Variants in ARHGEF10 observed in about 807,000 individuals in gnomAD.
ARHGEF10 encodes the protein Rho guanine nucleotide exchange factor (GEF) 10.
A neutral mutation model predicts 147.4 loss-of-function variants in ARHGEF10; 140 were observed. The ratio of observed to expected loss-of-function variants is 0.95; its 90% confidence interval spans 0.83 to 1.09. The LOEUF (loss-of-function observed/expected upper bound fraction) is 1.09, where lower values mean the gene tolerates loss of function less well. Among genes scored for constraint, ARHGEF10 ranks in the 50% least tolerant of loss-of-function variants. ARHGEF10 has a pLI of 0.00. For synonymous variants in ARHGEF10, 902 were observed against 695.8 expected, an observed-to-expected ratio of 1.30 and a Z score of -4.67; for missense variants, 2,222 against 1,752.7, an observed-to-expected ratio of 1.27 and a Z score of -4.78.
intron 26 of ARHGEF10, among the ~76,000 whole-genome samples, chr8:1,934,530 G>C (rs956997313): frequency 6.6e-6 from 1 of 152,168 alleles, no homozygotes; most frequent in East Asian, 1.9e-4. Flanking sequence ...TGAACCTGTA[G>C]AGTCCTCCAG....
chr8:1,836,490 C>T (rs186921768), intron 1 of ARHGEF10, among the ~76,000 whole-genome samples: 189 of 152,218 alleles, frequency 1.2e-3, no homozygotes, highest in African/African-American at 4.1e-3. Flanking sequence ...GGGCTGACGC[C>T]GGTGGAAGAC....
chr8:1,891,631 C>T (rs771935498), intron 11 of ARHGEF10, among the ~76,000 whole-genome samples: 4 of 152,068 alleles, frequency 2.6e-5, no homozygotes, highest in Non-Finnish European at 5.9e-5. Flanking sequence ...GTCCAGTTGC[C>T]CCATGACCTT....
chr8:1,935,008 T>C (rs1202039189), intron 26 of ARHGEF10, among the ~76,000 whole-genome samples: 2 of 152,166 alleles, frequency 1.3e-5, no homozygotes, highest in Non-Finnish European at 2.9e-5. Flanking sequence ...TCAAAGGACA[T>C]GAACAGGCAG....
intron 1 of ARHGEF10, among the ~76,000 whole-genome samples, chr8:1,829,419 T>A (rs1263090870): frequency 6.6e-6 from 1 of 152,212 alleles, no homozygotes; most frequent in Admixed American, 6.5e-5. Context: ...TGAAGTCCGC[T>A]GAGGGCTGGA....
intron 1 of ARHGEF10, among the ~76,000 whole-genome samples, chr8:1,832,460 G>GCAGAGA (rs1491483401): frequency 3.3e-5 from 4 of 121,370 alleles, no homozygotes; most frequent in African/African-American, 1.3e-4. Context: ...AGAGACAGAG[G>GCAGAGA]CAGAGACAGA....
In ARHGEF10 at chr8:1,843,336, GTC is replaced by G; in HGVS notation, c.-47-12_-47-11del. ...ATCCACCTGAACGGTGACAAGCAGT[GTC>G]TCTCCTTCTTGCAGGAGCTCCTTCC... is the stretch of plus-strand genomic sequence containing the variant. On this transcript the variant is annotated splice_polypyrimidine_tract_variant and intron_variant, in intron 1 of 28. Coordinates refer to ENST00000349830, the MANE Select transcript of ARHGEF10 (RefSeq NM_014629.4). 1 of 1,604,752 alleles carries G rather than the reference GTC, an allele frequency of 6.2e-7. No individual in the cohort carries two copies. The highest frequency in any genetic ancestry group is 8.5e-7 in the Non-Finnish European group (1 of 1,175,208).
rs5025039 is a variant in ARHGEF10 at position 1,953,011 on chromosome 8, A to G, written c.3520+184A>G. On this transcript the variant is annotated intron_variant, in intron 28 of 28. Transcript: ENST00000349830. ...GAATTATCAATTTATATATTTTTCC[A>G]TTTTTTACCTTAGTAGTCCAAGGAG... 0.93 allele frequency among the ~76,000 whole-genome samples: 141,944 copies of G among 152,374 alleles called. 66,165 individuals carry two copies. The highest frequency in any genetic ancestry group is 1 in the East Asian group (5,181 of 5,192).
chr8:1,914,906 C>T (rs1168267110), intron 18 of ARHGEF10, among the ~76,000 whole-genome samples: 5 of 152,154 alleles, frequency 3.3e-5, no homozygotes, highest in African/African-American at 9.7e-5. Flanking sequence ...CACTGAATAC[C>T]GTGGATAGTC....
rs1812858053 is a variant in ARHGEF10 at position 1,928,523 on chromosome 8, A to C, written c.2794A>C (p.Ile932Leu). Residue 932 changes from isoleucine (I) to leucine (L), a missense_variant, in exon 24 of 29, where the codon ATC becomes CTC. Ile to Leu is a conservative substitution (Grantham distance 5, BLOSUM62 2). Coordinates refer to ENST00000349830, the MANE Select transcript of ARHGEF10 (RefSeq NM_014629.4). Reference protein sequence around the residue: ...VIECFNVESRILCMLYVPVEE... With the variant: ...VIECFNVESRLLCMLYVPVEE... ...TGAGTGCTTCAACGTGGAATCTCGC[A>C]TCCTGTGCATGCTGTACGTTCCCGT... 1 of 1,614,038 alleles carries C rather than the reference A, an allele frequency of 6.2e-7. No homozygotes were observed. The highest frequency in any genetic ancestry group is 8.5e-7 in the Non-Finnish European group (1 of 1,180,042).
chr8:1,882,488 C>T, intron 9 of ARHGEF10, 147 bp from the exon 10 acceptor site: 1 of 761,078 alleles, frequency 1.3e-6, no homozygotes, highest in Non-Finnish European at 2.3e-6. Flanking sequence ...ACAAACAAAA[C>T]CAAAACAAAA....
In ARHGEF10 at chr8:1,924,995, A is replaced by G. The variant is rs557597114; in HGVS notation, c.2489-288A>G. 2.0e-5 allele frequency among the ~76,000 whole-genome samples: 3 copies of G among 152,358 alleles called. No homozygotes were observed. In the South Asian group the frequency reaches 6.2e-4, roughly 32 times the overall value. ...AAAGGGAAGTGGACCTATGTGGTTTATACAGCGACGTTTGGCAGCCTTTGG... is the reference window on the plus strand; with the variant it reads ...AAAGGGAAGTGGACCTATGTGGTTTGTACAGCGACGTTTGGCAGCCTTTGG... On this transcript the variant is annotated intron_variant, in intron 21 of 28. Coordinates refer to ENST00000349830, the MANE Select transcript of ARHGEF10 (RefSeq NM_014629.4).
intron 5 of ARHGEF10, 41 bp from the exon 6 acceptor site, chr8:1,866,485 T>C (rs1188591225): frequency 1.3e-6 from 2 of 1,599,228 alleles, no homozygotes; most frequent in East Asian, 2.2e-5. Flanking sequence ...TGACTTGGGC[T>C]GTGCCTGGAT....
chr8:1,878,911 C>G (rs936763059), intron 8 of ARHGEF10, among the ~76,000 whole-genome samples: 1 of 152,148 alleles, frequency 6.6e-6, no homozygotes, highest in African/African-American at 2.4e-5. Flanking sequence ...GCATTTCCAG[C>G]CTCTCCTACA....
At chr8:1,872,709 T>A (rs1395137543) in intron 7 of ARHGEF10, among the ~76,000 whole-genome samples, 1 of 152,202 alleles carries the variant, frequency 6.6e-6, no homozygotes, top group East Asian at 1.9e-4. Context: ...GAAACTCACT[T>A]AGCTGAATTA....
At chr8:1,895,668 A>C (rs1014637386) in intron 13 of ARHGEF10, among the ~76,000 whole-genome samples, 3 of 152,362 alleles carry the variant, frequency 2.0e-5, no homozygotes, top group African/African-American at 7.2e-5. Flanking sequence ...TTTTTAAAGA[A>C]ATAGAATTTT....
chr8:1,873,626 C>T (rs1252025749), intron 7 of ARHGEF10, among the ~76,000 whole-genome samples: 19 of 132,692 alleles, frequency 1.4e-4, no homozygotes, highest in African/African-American at 4.4e-4. Context: ...GGGTAGTGCA[C>T]CCGCATTTCC....
intron 25 of ARHGEF10, among the ~76,000 whole-genome samples, chr8:1,932,082 G>A (rs1813193591): frequency 6.6e-6 from 1 of 152,198 alleles, no homozygotes; most frequent in Non-Finnish European, 1.5e-5. Context: ...AGAGAGCTCT[G>A]ACCTAGGATT....
intron 16 of ARHGEF10, chr8:1,904,113 CACAA>C (rs1289344982): frequency 6.6e-6 from 1 of 152,214 alleles, no homozygotes; most frequent in African/African-American, 2.4e-5. Flanking sequence ...AAAAAAAATT[CACAA>C]ACATTTTTTG....
At chr8:1,854,759 A>C (rs1016704185) in intron 2 of ARHGEF10, among the ~76,000 whole-genome samples, 10 of 152,242 alleles carry the variant, frequency 6.6e-5, no homozygotes, top group African/African-American at 1.9e-4. Context: ...AAGCTTGCTC[A>C]TCTGCTCGTC....
Sources: gnomAD v4.1 joint callset for allele counts (sites outside exome capture counted in the v4.1 genomes callset) on GRCh38, gnomAD v4.1.1 for gene constraint, MANE v1.5 for transcripts, NCBI Gene and HGNC (gene_info 2026-07-23, HGNC 2026-07-21) for gene names.